GALNT18: variants seen among roughly 807,000 people sequenced by gnomAD.
GALNT18 encodes GalNAc-transferase 18.
GALNT18 carries 44 observed loss-of-function variants against 69.5 expected under a neutral mutation model. That is an observed-to-expected ratio of 0.63 (90% confidence interval 0.50 to 0.81). The LOEUF (loss-of-function observed/expected upper bound fraction) is 0.81, where lower values mean the gene tolerates loss of function less well. Ranked by LOEUF, GALNT18 falls within the 40% of genes least tolerant of loss-of-function variation. The pLI is 0.00. For synonymous variants in GALNT18, 364 were observed against 318.2 expected (o/e 1.14, Z -1.53); for missense variants, 715 against 810.0 (o/e 0.88, Z 1.42).
intron 1 of GALNT18, among the ~76,000 whole-genome samples, chr11:11,547,902 A>G (rs1482730057): frequency 1.3e-5 from 2 of 152,100 alleles, no homozygotes; most frequent in African/African-American, 4.8e-5. Context: ...CCTGGAACGT[A>G]CCATGCTCCT....
In GALNT18 at chr11:11,505,654, C is replaced by T. The variant is rs1232637887; in HGVS notation, c.236-56718G>A. On this transcript the variant is annotated intron_variant, in intron 1 of 10. Transcript: ENST00000227756. The surrounding 1 kb of genome is among the most constrained non-coding windows in gnomAD (Gnocchi z 4.6). ...GCATTCTCACTAAGATTTCCATTGC[C>T]TTCCTCCTCACCAGATTCAGAAGTC... 1.3e-5 allele frequency among the ~76,000 whole-genome samples: 2 copies of T among 152,204 alleles called. No individual in the cohort carries two copies. The highest frequency in any genetic ancestry group is 4.8e-5 in the African/African-American group (2 of 41,442).
At chr11:11,576,502 C>T (rs1858927480) in intron 1 of GALNT18, among the ~76,000 whole-genome samples, 4 of 152,322 alleles carry the variant, frequency 2.6e-5, no homozygotes, top group African/African-American at 9.6e-5. Context: ...CTACAACATG[C>T]AGGCATGTAC....
Position 11,605,628 on chromosome 11 carries a change from T to G in GALNT18, c.235+15731A>C, listed in dbSNP as rs978892233. ...AAATGAAGCTATGCTTTCTCCTTTC[T>G]AGTGACTCTTCAGGTGTCAATTAAA... On this transcript the variant is annotated intron_variant, in intron 1 of 10. Transcript: ENST00000227756. The surrounding 1 kb of genome is among the most constrained non-coding windows in gnomAD (Gnocchi z 4.7). Among the ~76,000 whole-genome samples the G allele has an allele frequency of 6.6e-6, 1 of 152,236 alleles. No individual in the cohort carries two copies. The highest frequency in any genetic ancestry group is 1.5e-5 in the Non-Finnish European group (1 of 68,038).
Position 11,448,812 on chromosome 11 carries a change from G to A in GALNT18, c.360C>T (p.Tyr120=), listed in dbSNP as rs151161334. 19 of 1,613,310 alleles carry A rather than the reference G, an allele frequency of 1.2e-5. No individual in the cohort carries two copies. The highest frequency in any genetic ancestry group is 5.3e-5 in the African/African-American group (4 of 74,936). The part of the protein sequence containing the change: ...RRVALKQFQY[Y]GYNAYLSDRL... ...GGTCGCTGAGGTAGGCGTTGTAGCC[G>A]TAGTACTGGAATTGCTTCAGGGCCA... Residue 120 remains tyrosine (Y), a synonymous_variant, in exon 2 of 11, where the codon TAC becomes TAT. Transcript: ENST00000227756.
At chr11:11,475,374 T>G (rs1856367560) in intron 1 of GALNT18, 1 of 152,228 alleles carries the variant, frequency 6.6e-6, no homozygotes, top group Admixed American at 6.5e-5. Context: ...ATTTCACTTT[T>G]TTATGAACAT....
intron 6 of GALNT18, among the ~76,000 whole-genome samples, chr11:11,363,087 C>T (rs575209107): frequency 3.8e-3 from 571 of 151,832 alleles, no homozygotes; most frequent in African/African-American, 0.013. Context: ...AGGGGACCTG[C>T]GAATATATAT....
intron 9 of GALNT18, among the ~76,000 whole-genome samples, chr11:11,303,994 C>T (rs902586281): frequency 1.3e-5 from 2 of 152,176 alleles, no homozygotes; most frequent in Non-Finnish European, 2.9e-5. Context: ...GGGCTTGGCC[C>T]AAATGGTCTA....
At chr11:11,607,543 G>C (rs1859785590) in intron 1 of GALNT18, among the ~76,000 whole-genome samples, 1 of 152,200 alleles carries the variant, frequency 6.6e-6, no homozygotes, top group Non-Finnish European at 1.5e-5. Flanking sequence ...TGTAAAGAAT[G>C]TATATCAAAA....
chr11:11,379,338 C>T (rs1853853306), intron 3 of GALNT18, 74 bp from the exon 4 acceptor site: 1 of 1,409,926 alleles, frequency 7.1e-7, no homozygotes, highest in Admixed American at 1.9e-5. Context: ...AACAGTCACT[C>T]TTTTAGTGAT....
Position 11,555,976 on chromosome 11 carries a change from A to G in GALNT18, c.235+65383T>C, listed in dbSNP as rs945984829. Among the ~76,000 whole-genome samples the G allele has an allele frequency of 6.6e-6, 1 of 152,214 alleles. No homozygotes were observed. Among genetic ancestry groups the G allele is most frequent in the African/African-American group, 2.4e-5 (1 of 41,466 alleles). On this transcript the variant is annotated intron_variant, in intron 1 of 10. Coordinates refer to ENST00000227756, the MANE Select transcript of GALNT18 (RefSeq NM_198516.3). The surrounding 1 kb of genome is among the most constrained non-coding windows in gnomAD (Gnocchi z 4.7). The stretch of plus-strand genomic sequence containing the variant: ...ATTTCCTCTGAGTCCTCTAACCGAG[A>G]TCAGACTTAAGTCAACACCAGAAAT...
At position 11,590,961 on chromosome 11, in the gene GALNT18, T is replaced by C. The variant is rs558092325; in HGVS notation, c.235+30398A>G. 3.3e-5 allele frequency among the ~76,000 whole-genome samples: 5 copies of C among 152,364 alleles called. No homozygotes were observed. The South Asian group carries it at 1.0e-3, about 32-fold the overall frequency. On this transcript the variant is annotated intron_variant, in intron 1 of 10. Coordinates refer to ENST00000227756, the MANE Select transcript of GALNT18 (RefSeq NM_198516.3). This position sits in a 1 kb window ranked among gnomAD's most constrained non-coding sequence, Gnocchi z 4.4. ...CTATATTATATTTTTACTATTATTT[T>C]AGAATATATTCCTTCTACTTAATTT...
chr11:11,273,244 CAATCAAAGT>C (rs1418363613), intron 10 of GALNT18, among the ~76,000 whole-genome samples: 13 of 129,690 alleles, frequency 1.0e-4, no homozygotes, highest in African/African-American at 2.8e-4. Flanking sequence ...GCAAAGGAAA[CAATCAAAGT>C]AAAGAGACAG....
chr11:11,512,018 T>C (rs561245745), intron 1 of GALNT18, among the ~76,000 whole-genome samples: 2 of 152,330 alleles, frequency 1.3e-5, no homozygotes, highest in East Asian at 3.9e-4. Context: ...TATACACACA[T>C]ACATATGTTT....
intron 1 of GALNT18, among the ~76,000 whole-genome samples, chr11:11,559,906 G>A (rs1858432710): frequency 1.2e-5 from 1 of 80,402 alleles, no homozygotes; most frequent in Non-Finnish European, 2.7e-5. Flanking sequence ...TGGGATGGAT[G>A]GGATGGAATA....
In GALNT18 at chr11:11,583,549, C is replaced by G. The variant is rs1379924093; in HGVS notation, c.235+37810G>C. ...AATCAATAAATAAGAGTTGTAGCTA[C>G]TAAATTCCTCTCCACCTGGCCCCAG... On this transcript the variant is annotated intron_variant, in intron 1 of 10. Coordinates refer to ENST00000227756, the MANE Select transcript of GALNT18 (RefSeq NM_198516.3). This position sits in a 1 kb window ranked among gnomAD's most constrained non-coding sequence, Gnocchi z 4.7. Among the ~76,000 whole-genome samples the G allele has an allele frequency of 6.6e-6, 1 of 152,172 alleles. No homozygotes were observed. Among genetic ancestry groups the G allele is most frequent in the Non-Finnish European group, 1.5e-5 (1 of 68,028 alleles).
At chr11:11,506,823 G>A (rs1196327501) in intron 1 of GALNT18, among the ~76,000 whole-genome samples, 1 of 152,204 alleles carries the variant, frequency 6.6e-6, no homozygotes, top group East Asian at 1.9e-4. Context: ...AAAATGTGCA[G>A]CTGCTGAGGA....
At chr11:11,612,060 C>G (rs1859917453) in intron 1 of GALNT18, among the ~76,000 whole-genome samples, 1 of 152,152 alleles carries the variant, frequency 6.6e-6, no homozygotes, top group Non-Finnish European at 1.5e-5. Flanking sequence ...ATCCTCCTTC[C>G]TATTCTGTAG....
At chr11:11,433,863 G>A (rs1418564287) in intron 2 of GALNT18, among the ~76,000 whole-genome samples, 2 of 152,142 alleles carry the variant, frequency 1.3e-5, no homozygotes, top group Non-Finnish European at 2.9e-5. Context: ...CCTGTCCCAG[G>A]CCCTGGGTTT....
Position 11,432,294 on chromosome 11 carries a change from T to C in GALNT18, c.595+327A>G, listed in dbSNP as rs1033937509. 6.6e-6 allele frequency among the ~76,000 whole-genome samples: 1 copy of C among 152,084 alleles called. No homozygotes were observed. Among genetic ancestry groups the C allele is most frequent in the African/African-American group, 2.4e-5 (1 of 41,390 alleles). On this transcript the variant is annotated intron_variant, in intron 3 of 10. Coordinates refer to ENST00000227756, the MANE Select transcript of GALNT18 (RefSeq NM_198516.3). The surrounding 1 kb of genome is among the most constrained non-coding windows in gnomAD (Gnocchi z 5.8). Reference sequence around the variant, plus strand: ...CCCTACTAGGTGAAATGATGCATCATGGAAAAGAGTCACTGGACATGTTCA... The same window carrying C: ...CCCTACTAGGTGAAATGATGCATCACGGAAAAGAGTCACTGGACATGTTCA...
Sources: gnomAD v4.1 joint callset for allele counts (sites outside exome capture counted in the v4.1 genomes callset) on GRCh38, gnomAD v4.1.1 for gene constraint, Gnocchi (gnomAD v3.1) non-coding constraint, MANE v1.5 for transcripts, NCBI Gene and HGNC (gene_info 2026-07-23, HGNC 2026-07-21) for gene names.